The following DNAH9 variants were observed in gnomAD, a reference collection of about 807,000 sequenced individuals.
DNAH9 encodes dynein axonemal heavy chain 9, also known as DNAH9 variant protein.
DNAH9 carries 345 observed loss-of-function variants against 471.6 expected under a neutral mutation model. The ratio of observed to expected loss-of-function variants is 0.73; its 90% CI spans 0.67 to 0.80. DNAH9 has a LOEUF of 0.80. Ranked by LOEUF, DNAH9 falls within the 30% of genes least tolerant of loss-of-function variation. The probability of loss-of-function intolerance (pLI) is 0.00; values close to 1 mark genes in which losing one functional copy is unlikely to be tolerated. For synonymous variants in DNAH9, 2,093 were observed against 2,123.6 expected, an observed-to-expected ratio of 0.99 and a Z score of 0.40; for missense variants, 5,407 against 5,609.2, an observed-to-expected ratio of 0.96 and a Z score of 1.15.
intron 61 of DNAH9, among the ~76,000 whole-genome samples, chr17:11,920,991 A>G (rs1974119109): frequency 6.6e-6 from 1 of 152,020 alleles, no homozygotes; most frequent in Non-Finnish European, 1.5e-5. Context: ...AAATACAAAA[A>G]TTAGCCAGTC....
intron 52 of DNAH9, 143 bp downstream of exon 52, chr17:11,871,929 A>AC (rs1294149834): frequency 4.6e-6 from 4 of 878,166 alleles, no homozygotes; most frequent in Non-Finnish European, 6.9e-6. Flanking sequence ...AAACCTGCGT[A>AC]CCCGTGTCCT....
chr17:11,762,158 A>T (rs1174460521), intron 35 of DNAH9, among the ~76,000 whole-genome samples: 1 of 152,234 alleles, frequency 6.6e-6, no homozygotes, highest in African/African-American at 2.4e-5. Flanking sequence ...ATTTGTTGTA[A>T]GAATTGCAAT....
intron 67 of DNAH9, 104 bp downstream of exon 67, chr17:11,942,589 T>C: frequency 7.8e-7 from 1 of 1,281,550 alleles, no homozygotes; most frequent in Non-Finnish European, 1.1e-6. Flanking sequence ...TGGGGAGCAG[T>C]TGTCCTGCAG....
At chr17:11,671,410 G>A (rs965916157) in intron 17 of DNAH9, among the ~76,000 whole-genome samples, 2 of 152,190 alleles carry the variant, frequency 1.3e-5, no homozygotes, top group East Asian at 3.9e-4. Flanking sequence ...AAGCAGAGGG[G>A]GGGCAGAGAA....
intron 38 of DNAH9, among the ~76,000 whole-genome samples, chr17:11,769,878 A>T (rs8080946): frequency 6.6e-6 from 1 of 152,002 alleles, no homozygotes; most frequent in African/African-American, 2.4e-5. Context: ...GTGATGTTTT[A>T]CCCTTGCCAG....
Position 11,745,431 on chromosome 17 carries a change from A to G in DNAH9, c.6399+347A>G, listed in dbSNP as rs900586011. On this transcript the variant is annotated intron_variant, in intron 31 of 68. Coordinates refer to ENST00000262442, the MANE Select transcript of DNAH9 (RefSeq NM_001372.4). Reference sequence around the variant, plus strand: ...TACAGAACCTCCACTCAATCCTACTATCCTGGATAGAGACCAGCAAAAGAG... The same window carrying G: ...TACAGAACCTCCACTCAATCCTACTGTCCTGGATAGAGACCAGCAAAAGAG... Among the ~76,000 whole-genome samples, 11 of 152,314 alleles carry G rather than the reference A, an allele frequency of 7.2e-5. No individual in the cohort carries two copies. The South Asian group carries it at 1.5e-3, about 20-fold the overall frequency.
chr17:11,931,515 C>T (rs374115612), intron 63 of DNAH9, among the ~76,000 whole-genome samples: 3 of 152,288 alleles, frequency 2.0e-5, no homozygotes, highest in East Asian at 1.9e-4. Flanking sequence ...CAACTCTGGG[C>T]GGGAAGCTTC....
chr17:11,610,535 T>C lies in DNAH9; in HGVS notation c.754T>C (p.Leu252=), dbSNP rs767017277. 2 of 1,612,566 alleles carry C rather than the reference T, an allele frequency of 1.2e-6. No homozygotes were observed. Among genetic ancestry groups the C allele is most frequent in the Non-Finnish European group, 1.7e-6 (2 of 1,179,906 alleles). Residue 252 remains leucine (L), a synonymous_variant, in exon 3 of 69, where the codon TTG becomes CTG. Transcript: ENST00000262442. The part of the protein sequence containing the change: ...QGENPTPKVE[L]EFWKSRYEDL... ...GGAGAATCCCACCCCTAAGGTGGAG[T>C]TGGAGTTCTGGAAGAGCAGGTAGGC...
chr17:11,851,770 C>T (rs1182770524), intron 49 of DNAH9, among the ~76,000 whole-genome samples: 1 of 152,046 alleles, frequency 6.6e-6, no homozygotes, highest in Non-Finnish European at 1.5e-5. Flanking sequence ...AGAAAATCTC[C>T]CTGTGTACTT....
At chr17:11,849,878 T>A (rs920377739) in intron 49 of DNAH9, among the ~76,000 whole-genome samples, 1 of 152,156 alleles carries the variant, frequency 6.6e-6, no homozygotes, top group African/African-American at 2.4e-5. Context: ...TAAATAATAT[T>A]TGTCCAATGA....
At chr17:11,599,411 C>T (rs1210286710) in intron 1 of DNAH9, among the ~76,000 whole-genome samples, 2 of 152,150 alleles carry the variant, frequency 1.3e-5, no homozygotes, top group African/African-American at 4.8e-5. Flanking sequence ...GTGCCTACTT[C>T]TGGAGAGCAG....
At position 11,888,040 on chromosome 17, in the gene DNAH9, A is replaced by T. The variant is rs527414079; in HGVS notation, c.11112+1075A>T. Among the ~76,000 whole-genome samples the T allele has an allele frequency of 6.3e-3, 952 of 149,952 alleles. 3 individuals carry two copies. Among genetic ancestry groups the T allele is most frequent in the Non-Finnish European group, 0.01 (697 of 67,610 alleles). ...CTTTGTTGCCCAGGCTGGAGTGCAG[A>T]GGCGCGATCTCGGCTTACTGCAAGC... is the stretch of plus-strand genomic sequence containing the variant. On this transcript the variant is annotated intron_variant, in intron 57 of 68. Coordinates refer to ENST00000262442, the MANE Select transcript of DNAH9 (RefSeq NM_001372.4).
At chr17:11,782,388 C>T (rs978051686) in intron 39 of DNAH9, among the ~76,000 whole-genome samples, 5 of 152,154 alleles carry the variant, frequency 3.3e-5, no homozygotes, top group African/African-American at 1.2e-4. Context: ...CCCACCACAC[C>T]TCAGCTGATG....
chr17:11,931,986 A>T lies in DNAH9; in HGVS notation c.12106-28A>T, dbSNP rs1315853067. 2.5e-6 allele frequency: 4 copies of T among 1,611,676 alleles called. No homozygotes were observed. In the African/African-American group the frequency reaches 5.3e-5, roughly 22 times the overall value. ...CCCCGTATAAGAGAAGTTGTGTGCG[A>T]ACCTTAAAAGCGACACTCTCATTTC... On this transcript the variant is annotated intron_variant, in intron 63 of 68. Transcript: ENST00000262442.
intron 4 of DNAH9, among the ~76,000 whole-genome samples, chr17:11,616,055 A>G (rs893186224): frequency 2.6e-5 from 4 of 151,248 alleles, no homozygotes; most frequent in Non-Finnish European, 5.9e-5. Context: ...ATATCAACAT[A>G]TTTTTGTGTA....
chr17:11,760,029 C>A (rs1045568581), intron 35 of DNAH9, among the ~76,000 whole-genome samples: 11 of 152,096 alleles, frequency 7.2e-5, no homozygotes, highest in African/African-American at 2.7e-4. Context: ...GCCATGTTGA[C>A]CAGGCTGGTC....
intron 14 of DNAH9, among the ~76,000 whole-genome samples, chr17:11,654,073 A>ATCATCCATCTATCGTCTAT (rs1597439262): frequency 3.0e-5 from 4 of 131,946 alleles, no homozygotes; most frequent in East Asian, 2.1e-4. Context: ...AAATCGATCT[A>ATCATCCATCTATCGTCTAT]GGCCGGGCGC....
intron 61 of DNAH9, among the ~76,000 whole-genome samples, chr17:11,920,217 G>A (rs1164689370): frequency 6.6e-6 from 1 of 151,628 alleles, no homozygotes; most frequent in Non-Finnish European, 1.5e-5. Flanking sequence ...TGTATTTTTA[G>A]TAGAAAAGGG....
At position 11,937,301 on chromosome 17, in the gene DNAH9, T is replaced by A; in HGVS notation, c.12490-51T>A. On this transcript the variant is annotated intron_variant, in intron 65 of 68. Transcript: ENST00000262442. This position sits in a 1 kb window ranked among gnomAD's most constrained non-coding sequence, Gnocchi z 4.1. Reference sequence around the variant, plus strand: ...GCAGAGGACAAGCCGGTGTGGGAGATGGGAGGTACGTCCTGGTTTCTTTTT... The same window carrying A: ...GCAGAGGACAAGCCGGTGTGGGAGAAGGGAGGTACGTCCTGGTTTCTTTTT... 1 of 1,555,624 alleles carries A rather than the reference T, an allele frequency of 6.4e-7. No homozygotes were observed. Among genetic ancestry groups the A allele is most frequent in the African/African-American group, 1.4e-5 (1 of 73,802 alleles).
Sources: allele counts gnomAD v4.1 joint callset (sites outside exome capture counted in the v4.1 genomes callset), GRCh38; gene constraint gnomAD v4.1.1; non-coding constraint Gnocchi (gnomAD v3.1); transcripts MANE v1.5; gene names NCBI Gene and HGNC (gene_info 2026-07-23, HGNC 2026-07-21).